UCK2: variants seen among roughly 807,000 people sequenced by gnomAD.
UCK2 encodes the protein uridine-cytidine kinase 2, also known as cytidine monophosphokinase 2.
UCK2 carries 6 observed loss-of-function variants against 30.8 expected under a neutral mutation model. The ratio of observed to expected loss-of-function variants is 0.19; its 90% CI spans 0.11 to 0.38. The LOEUF is 0.38. Among genes scored for constraint, UCK2 ranks in the 10% least tolerant of loss-of-function variants. The probability of loss-of-function intolerance (pLI) is 1.00; values close to 1 mark genes in which losing one functional copy is unlikely to be tolerated. For synonymous variants in UCK2, 125 were observed against 133.6 expected (o/e 0.94, Z 0.45); for missense variants, 210 against 339.8 (o/e 0.62, Z 3.00).
intron 1 of UCK2, among the ~76,000 whole-genome samples, chr1:165,839,416 G>T (rs1041056288): frequency 6.6e-6 from 1 of 152,150 alleles, no homozygotes; most frequent in African/African-American, 2.4e-5. Flanking sequence ...TCTGGAGGAA[G>T]GGGTCAGGAG....
In UCK2 at chr1:165,905,987, G is replaced by A. The variant is rs1647644459; in HGVS notation, c.646+18G>A. On this transcript the variant is annotated intron_variant, in intron 6 of 6. Transcript: ENST00000367879. ...TAATCTGGGTGAGTCCCTGCAGAGT[G>A]TCATCCTGGAGTATAATGTCTGCCC... 2 of 1,610,862 alleles carry A rather than the reference G, an allele frequency of 1.2e-6. No homozygotes were observed. Among genetic ancestry groups the A allele is most frequent in the Admixed American group, 1.7e-5 (1 of 59,988 alleles).
At chr1:165,839,223 C>T (rs1044817862) in intron 1 of UCK2, among the ~76,000 whole-genome samples, 7 of 151,978 alleles carry the variant, frequency 4.6e-5, no homozygotes, top group African/African-American at 1.5e-4. Context: ...TTCTCTACCT[C>T]CTTTTGTAGA....
chr1:165,861,376 C>A (rs1654892021), intron 1 of UCK2, among the ~76,000 whole-genome samples: 1 of 152,064 alleles, frequency 6.6e-6, no homozygotes, highest in Admixed American at 6.5e-5. Context: ...CGCCTGTAAT[C>A]CCAGCACTTT....
chr1:165,851,590 C>T (rs1654596868), intron 1 of UCK2, among the ~76,000 whole-genome samples: 1 of 152,140 alleles, frequency 6.6e-6, no homozygotes, highest in Non-Finnish European at 1.5e-5. Context: ...CGTTTCAGGG[C>T]TCAAGGCTTG....
At chr1:165,888,642 CTTTTTTT>C (rs60874109) in intron 1 of UCK2, among the ~76,000 whole-genome samples, 83 of 71,066 alleles carry the variant, frequency 1.2e-3, no homozygotes, top group Middle Eastern at 0.015. Flanking sequence ...CTTTCTTCTT[CTTTTTTT>C]TTTTTTTTTT....
chr1:165,896,628 G>C (rs1251806743), intron 4 of UCK2, among the ~76,000 whole-genome samples: 2 of 152,250 alleles, frequency 1.3e-5, no homozygotes, highest in African/African-American at 4.8e-5. Context: ...GGAAAAGTTT[G>C]ATTAAATGCT....
At chr1:165,896,136 G>A in intron 3 of UCK2, 54 bp from the exon 4 acceptor site, 1 of 1,608,798 alleles carries the variant, frequency 6.2e-7, no homozygotes. Flanking sequence ...CTTGTTCTCT[G>A]TCCCTTGCTA....
intron 1 of UCK2, among the ~76,000 whole-genome samples, chr1:165,847,728 C>T (rs1336040222): frequency 6.6e-6 from 1 of 152,018 alleles, no homozygotes; most frequent in Non-Finnish European, 1.5e-5. Flanking sequence ...ATCCTCCTGC[C>T]TCATCCTTCA....
At chr1:165,877,656 G>C (rs1427464974) in intron 1 of UCK2, among the ~76,000 whole-genome samples, 1 of 152,088 alleles carries the variant, frequency 6.6e-6, no homozygotes, top group Non-Finnish European at 1.5e-5. Context: ...TTTAACCATC[G>C]GCGTAATGAA....
chr1:165,897,280 T>C (rs1342208056), intron 4 of UCK2, among the ~76,000 whole-genome samples: 1 of 152,036 alleles, frequency 6.6e-6, no homozygotes, highest in African/African-American at 2.4e-5. Context: ...CACTGTTCTG[T>C]GTTGGACACT....
chr1:165,840,273 A>T (rs979069641), intron 1 of UCK2, among the ~76,000 whole-genome samples: 1 of 152,260 alleles, frequency 6.6e-6, no homozygotes, highest in Non-Finnish European at 1.5e-5. Flanking sequence ...TAATTGACAA[A>T]TGAAAATATA....
At chr1:165,864,436 G>T (rs1315651567) in intron 1 of UCK2, among the ~76,000 whole-genome samples, 1 of 152,070 alleles carries the variant, frequency 6.6e-6, no homozygotes, top group African/African-American at 2.4e-5. Flanking sequence ...AGTATATTGT[G>T]TATGGGGTTT....
At chr1:165,846,464 A>G (rs937682697) in intron 1 of UCK2, among the ~76,000 whole-genome samples, 12 of 152,064 alleles carry the variant, frequency 7.9e-5, no homozygotes, top group Non-Finnish European at 1.6e-4. Context: ...ACAAAACAAA[A>G]CAAAACATCT....
At chr1:165,873,928 T>G (rs901310334) in intron 1 of UCK2, among the ~76,000 whole-genome samples, 4 of 152,176 alleles carry the variant, frequency 2.6e-5, no homozygotes, top group Non-Finnish European at 5.9e-5. Context: ...CCTACCTTAT[T>G]GTCTCTTTCT....
chr1:165,890,649 C>G (rs975902564), intron 2 of UCK2: 16 of 377,734 alleles, frequency 4.2e-5, no homozygotes, highest in Non-Finnish European at 7.5e-5. Context: ...TGAGGTCGAA[C>G]ATACAGAGCT....
intron 1 of UCK2, among the ~76,000 whole-genome samples, chr1:165,836,863 C>G (rs979038509): frequency 6.6e-6 from 1 of 152,174 alleles, no homozygotes; most frequent in Admixed American, 6.5e-5. Context: ...AAATTTATTT[C>G]TTACAGTTCT....
chr1:165,897,477 C>T (rs1010121119), intron 4 of UCK2, among the ~76,000 whole-genome samples: 1 of 151,720 alleles, frequency 6.6e-6, no homozygotes, highest in South Asian at 2.1e-4. Flanking sequence ...TGGGTGGAGG[C>T]GACTGAATAG....
At chr1:165,828,452 G>A (rs765928242) in intron 1 of UCK2, among the ~76,000 whole-genome samples, 1 of 152,250 alleles carries the variant, frequency 6.6e-6, no homozygotes, top group East Asian at 1.9e-4. Context: ...TCCCGGGGAA[G>A]GGGAGCCCAG....
chr1:165,851,200 G>T (rs1266193560), intron 1 of UCK2, among the ~76,000 whole-genome samples: 1 of 152,160 alleles, frequency 6.6e-6, no homozygotes, highest in Admixed American at 6.5e-5. Context: ...GAGATCATGT[G>T]CCCCCAGGGG....
Sources: allele counts gnomAD v4.1 joint callset (sites outside exome capture counted in the v4.1 genomes callset), GRCh38; gene constraint gnomAD v4.1.1; transcripts MANE v1.5; gene names NCBI Gene and HGNC (gene_info 2026-07-23, HGNC 2026-07-21).